The following PRSS23 variants were observed in gnomAD, a reference collection of about 807,000 sequenced individuals.
PRSS23 encodes the protein protease, serine 23.
Under a neutral mutation model 34.7 loss-of-function variants are expected in PRSS23, and 25 were observed. The ratio of observed to expected loss-of-function variants is 0.72; its 90% confidence interval spans 0.53 to 1.01. The LOEUF is 1.01. Ranked by LOEUF, PRSS23 falls within the 50% of genes least tolerant of loss-of-function variation. The pLI, the probability that PRSS23 is intolerant of heterozygous loss-of-function variation, is 0.00. For synonymous variants in PRSS23, 176 were observed against 186.6 expected (o/e 0.94, Z 0.46); for missense variants, 445 against 475.6 (o/e 0.94, Z 0.60).
At chr11:86,796,265 C>A (rs1947979642), upstream of PRSS23, among the ~76,000 whole-genome samples, 1 of 152,114 alleles carries the variant, frequency 6.6e-6, no homozygotes, top group East Asian at 1.9e-4. Flanking sequence ...TAGTATGGCA[C>A]CGAGTAGACT....
intron 2 of PRSS23, among the ~76,000 whole-genome samples, chr11:86,830,322 A>T (rs552362729): frequency 6.6e-6 from 1 of 152,258 alleles, no homozygotes; most frequent in South Asian, 2.1e-4. Context: ...CTCCTTGTGC[A>T]TCGTTTTTTA....
At chr11:86,828,360 C>T (rs1469202179) in intron 2 of PRSS23, among the ~76,000 whole-genome samples, 1 of 152,158 alleles carries the variant, frequency 6.6e-6, no homozygotes, top group Non-Finnish European at 1.5e-5. Context: ...GATCTTCCTC[C>T]ATCCTTTTAT....
At chr11:86,908,621 A>G (rs371940770) in intron 2 of PRSS23, among the ~76,000 whole-genome samples, 1 of 152,244 alleles carries the variant, frequency 6.6e-6, no homozygotes, top group African/African-American at 2.4e-5. Flanking sequence ...TAGCTACTCC[A>G]TAATAGTAAT....
chr11:86,879,385 G>A (rs200746271), intron 2 of PRSS23, among the ~76,000 whole-genome samples: 10 of 146,758 alleles, frequency 6.8e-5, no homozygotes, highest in South Asian at 2.2e-4. Context: ...CCCTCCGCCC[G>A]GCAGCCACCC....
At chr11:86,929,298 G>A (rs1949106842) in intron 2 of PRSS23, among the ~76,000 whole-genome samples, 1 of 146,166 alleles carries the variant, frequency 6.8e-6, no homozygotes. Flanking sequence ...CTCCAGCCTG[G>A]GCAACAACAG....
rs1419442587 is a variant in PRSS23, at chr11:86,896,203, ATG to A, written c.207-55010_207-55009del. Among the ~76,000 whole-genome samples, 17 of 152,280 alleles carry A rather than the reference ATG, an allele frequency of 1.1e-4. No homozygotes were observed. In the Middle Eastern group the frequency reaches 0.01, roughly 91 times the overall value. ...AGGGCAGATATTTCAGGATGTATATATGTGATAGTATTTTAATAATTTGTTGA... is the reference window on the plus strand; with the variant it reads ...AGGGCAGATATTTCAGGATGTATATATGATAGTATTTTAATAATTTGTTGA... On this transcript the variant is annotated intron_variant, in intron 2 of 2. Transcript: ENST00000533902.
At chr11:86,837,137 G>A (rs1948412171) in intron 2 of PRSS23, 1 of 152,068 alleles carries the variant, frequency 6.6e-6, no homozygotes, top group Admixed American at 6.6e-5. Context: ...CTTTTCCAAA[G>A]AAAAATATGT....
chr11:86,873,661 A>T (rs1948703818), intron 2 of PRSS23, among the ~76,000 whole-genome samples: 1 of 152,158 alleles, frequency 6.6e-6, no homozygotes, highest in African/African-American at 2.4e-5. Context: ...GGCCACTCAG[A>T]GCCTTTCCCT....
intron 2 of PRSS23, among the ~76,000 whole-genome samples, chr11:86,824,370 T>TAAAAC (rs372867879): frequency 1.1e-5 from 1 of 94,710 alleles, no homozygotes; most frequent in African/African-American, 5.0e-5. Flanking sequence ...TAAAATAAAA[T>TAAAAC]AAATAAAATA....
chr11:86,838,849 C>T (rs893289397), intron 2 of PRSS23, among the ~76,000 whole-genome samples: 3 of 152,086 alleles, frequency 2.0e-5, no homozygotes, highest in South Asian at 2.1e-4. Context: ...GTTCTGGAAT[C>T]GACCTCCAGT....
At chr11:86,794,965 C>CA (rs1190512661) in intron 1 of PRSS23, among the ~76,000 whole-genome samples, 3 of 152,010 alleles carry the variant, frequency 2.0e-5, no homozygotes, top group East Asian at 1.9e-4. Context: ...GAGGAGGAGA[C>CA]AAAAAATACA....
intron 2 of PRSS23, chr11:86,936,176 C>G (rs1025671350): frequency 9.2e-5 from 14 of 152,234 alleles, no homozygotes; most frequent in African/African-American, 3.4e-4. Context: ...TGTGAACCAC[C>G]TGGCAGGACT....
chr11:86,836,329 G>T (rs1948405359), intron 2 of PRSS23, among the ~76,000 whole-genome samples: 1 of 152,074 alleles, frequency 6.6e-6, no homozygotes. Flanking sequence ...GGGGTCTAAG[G>T]GGATACTGCC....
chr11:86,912,760 C>A (rs1345386168), intron 2 of PRSS23, among the ~76,000 whole-genome samples: 2 of 152,094 alleles, frequency 1.3e-5, no homozygotes, highest in Non-Finnish European at 2.9e-5. Context: ...ACATATGGTT[C>A]ATCTCAGAGC....
chr11:86,884,275 A>G (rs1053812315), intron 2 of PRSS23, among the ~76,000 whole-genome samples: 5 of 152,098 alleles, frequency 3.3e-5, no homozygotes, highest in Non-Finnish European at 7.4e-5. Context: ...ATTGCCAACA[A>G]AATATTCTTG....
chr11:86,944,127 C>G (rs576836359), intron 2 of PRSS23, among the ~76,000 whole-genome samples: 2 of 152,124 alleles, frequency 1.3e-5, no homozygotes, highest in South Asian at 4.2e-4. Context: ...GAAGAATCTT[C>G]CCTGCCTCTC....
exon 3 of PRSS23, chr11:86,952,722 A>C: frequency 4.9e-6 from 2 of 407,296 alleles, no homozygotes; most frequent in African/African-American, 2.0e-5. Context: ...AAATAAAATA[A>C]ATAGGGTCTG....
chr11:86,856,441 G>A (rs751659017), intron 2 of PRSS23, among the ~76,000 whole-genome samples: 33 of 151,298 alleles, frequency 2.2e-4, no homozygotes, highest in Non-Finnish European at 4.0e-4. Context: ...CAAAGCCAAC[G>A]TTGAGAACCG....
At chr11:86,879,692 C>T (rs1311336165) in intron 2 of PRSS23, among the ~76,000 whole-genome samples, 1 of 139,830 alleles carries the variant, frequency 7.2e-6, no homozygotes, top group African/African-American at 2.6e-5. Flanking sequence ...CAGCCCCCCA[C>T]CCGGCCAGCC....
Sources: allele counts gnomAD v4.1 joint callset (sites outside exome capture counted in the v4.1 genomes callset), GRCh38; gene constraint gnomAD v4.1.1; transcripts MANE v1.5; gene names NCBI Gene and HGNC (gene_info 2026-07-23, HGNC 2026-07-21).